Variants in SETBP1 observed in about 807,000 individuals in gnomAD.
SETBP1 encodes the protein SET-binding protein.
Under a neutral mutation model 101.0 loss-of-function variants are expected in SETBP1, and 9 were observed. That is an observed-to-expected ratio of 0.09 (90% confidence interval 0.05 to 0.16). The LOEUF (loss-of-function observed/expected upper bound fraction) is 0.16, where lower values mean the gene tolerates loss of function less well. Ranked by LOEUF, SETBP1 falls within the 10% of genes least tolerant of loss-of-function variation. The probability of loss-of-function intolerance (pLI) is 1.00; values close to 1 mark genes in which losing one functional copy is unlikely to be tolerated. For synonymous variants in SETBP1, 818 were observed against 788.5 expected (o/e 1.04, Z -0.63); for missense variants, 1,858 against 2,033.8 (o/e 0.91, Z 1.66).
chr18:44,794,433 G>A (rs1345604399), intron 2 of SETBP1, among the ~76,000 whole-genome samples: 1 of 152,194 alleles, frequency 6.6e-6, no homozygotes, highest in Non-Finnish European at 1.5e-5. Flanking sequence ...GTCGGAAAGA[G>A]CAGAGGGGAC....
chr18:44,828,617 GAGA>G (rs2072288992), intron 2 of SETBP1, among the ~76,000 whole-genome samples: 1 of 152,226 alleles, frequency 6.6e-6, no homozygotes, highest in African/African-American at 2.4e-5. Flanking sequence ...GAGACAAAAA[GAGA>G]AGAAGCTTCT....
Position 44,951,009 on chromosome 18 carries a change from G to A in SETBP1, c.1669G>A (p.Glu557Lys). ...GGCCACCTCTGATAAACTGATGCTG[G>A]AGCCCCCGTCTGCATATCCCATCAC... ...VMATSDKLML[E>K]PPSAYPITPS... The change falls in exon 4 of 6, where the codon GAG becomes AAG. Residue 557 changes from glutamate to lysine, a missense_variant. Physicochemically the swap from Glu to Lys is moderately conservative, Grantham distance 56. Transcript: ENST00000649279. The surrounding 1 kb of genome is among the most constrained non-coding windows in gnomAD (Gnocchi z 7.8). 1 of 1,613,964 alleles carries A rather than the reference G, an allele frequency of 6.2e-7. No individual in the cohort carries two copies. Among genetic ancestry groups the A allele is most frequent in the Non-Finnish European group, 8.5e-7 (1 of 1,180,030 alleles).
At chr18:44,685,786 C>T (rs1270357031) in intron 1 of SETBP1, among the ~76,000 whole-genome samples, 4 of 152,172 alleles carry the variant, frequency 2.6e-5, no homozygotes, top group African/African-American at 9.7e-5. Flanking sequence ...TTGGAATGAT[C>T]AGAAATGCCC....
intron 2 of SETBP1, among the ~76,000 whole-genome samples, chr18:44,811,916 T>C (rs1599160826): frequency 6.6e-6 from 1 of 152,334 alleles, no homozygotes; most frequent in Non-Finnish European, 1.5e-5. Flanking sequence ...TAAAGACCTG[T>C]GTGGCAGCTT....
chr18:44,700,691 G>A (rs1357174329), intron 1 of SETBP1, among the ~76,000 whole-genome samples: 1 of 152,180 alleles, frequency 6.6e-6, no homozygotes, highest in Non-Finnish European at 1.5e-5. Flanking sequence ...CCTCCAAGTG[G>A]GTGGAGAGCT....
chr18:44,803,656 T>A (rs557652875), intron 2 of SETBP1, among the ~76,000 whole-genome samples: 1 of 152,320 alleles, frequency 6.6e-6, no homozygotes, highest in Non-Finnish European at 1.5e-5. Flanking sequence ...TGGGCATCTT[T>A]AAACTACCAT....
intron 4 of SETBP1, among the ~76,000 whole-genome samples, chr18:45,023,243 T>C (rs547419073): frequency 6.6e-6 from 1 of 152,256 alleles, no homozygotes. Context: ...TTTTTAATGA[T>C]TGTGCTAGAA....
chr18:44,955,985 C>A (rs757407155), intron 4 of SETBP1, among the ~76,000 whole-genome samples: 3 of 152,190 alleles, frequency 2.0e-5, no homozygotes, highest in African/African-American at 7.2e-5. Context: ...ATGGACAGAG[C>A]TTCCACCTCT....
At chr18:44,858,207 T>C (rs2073013802) in intron 2 of SETBP1, among the ~76,000 whole-genome samples, 1 of 152,240 alleles carries the variant, frequency 6.6e-6, no homozygotes, top group African/African-American at 2.4e-5. Flanking sequence ...TTAGAAGCTG[T>C]GGCAGATTCT....
intron 2 of SETBP1, among the ~76,000 whole-genome samples, chr18:44,770,364 G>A (rs561353917): frequency 1.3e-3 from 205 of 152,310 alleles, no homozygotes; most frequent in Non-Finnish European, 2.3e-3. Context: ...GTGGGTTAAT[G>A]TCCTTACTTC....
At chr18:44,928,166 G>A (rs1366597331) in intron 3 of SETBP1, among the ~76,000 whole-genome samples, 4 of 152,200 alleles carry the variant, frequency 2.6e-5, no homozygotes, top group Non-Finnish European at 5.9e-5. Context: ...ACCTATGGGG[G>A]AGAACATGCG....
At chr18:44,849,538 G>A (rs555026133) in intron 2 of SETBP1, among the ~76,000 whole-genome samples, 3 of 152,284 alleles carry the variant, frequency 2.0e-5, no homozygotes, top group African/African-American at 7.2e-5. Flanking sequence ...GTGAGCAAGC[G>A]GTGAGGTGGG....
rs569190520 is a variant in SETBP1 at position 44,876,726 on chromosome 18, A to C, written c.540+7443A>C. The C allele has an allele frequency of 9.9e-5, 153 of 1,543,240 alleles. No individual in the cohort carries two copies. The highest frequency in any genetic ancestry group is 1.3e-4 in the Non-Finnish European group (150 of 1,141,994). Reference sequence around the variant, plus strand: ...CTCTCACTCTTCCTTTTCACAGTGAACCTGCAGTCTGGGCACAAGAAGTAT... The same window carrying C: ...CTCTCACTCTTCCTTTTCACAGTGACCCTGCAGTCTGGGCACAAGAAGTAT... On this transcript the variant is annotated intron_variant, in intron 3 of 5. Coordinates refer to ENST00000649279, the MANE Select transcript of SETBP1 (RefSeq NM_015559.3).
intron 3 of SETBP1, among the ~76,000 whole-genome samples, chr18:44,946,182 CA>C (rs1331581336): frequency 6.6e-6 from 1 of 152,200 alleles, no homozygotes; most frequent in African/African-American, 2.4e-5. Flanking sequence ...CCATTCCCCC[CA>C]TTACTCCTGA....
chr18:44,819,591 CCT>C (rs1470673602), intron 2 of SETBP1, among the ~76,000 whole-genome samples: 1 of 152,154 alleles, frequency 6.6e-6, no homozygotes, highest in East Asian at 1.9e-4. Flanking sequence ...AGGTCAGCAG[CCT>C]GCTCATGGTC....
intron 2 of SETBP1, among the ~76,000 whole-genome samples, chr18:44,858,030 C>T (rs1385057467): frequency 6.6e-6 from 1 of 152,126 alleles, no homozygotes; most frequent in South Asian, 2.1e-4. Context: ...GACACAGCTG[C>T]TTCCAGAAGC....
At chr18:44,868,520 C>A (rs1267586187) in intron 2 of SETBP1, among the ~76,000 whole-genome samples, 1 of 152,008 alleles carries the variant, frequency 6.6e-6, no homozygotes, top group Non-Finnish European at 1.5e-5. Context: ...CATGGAGAGA[C>A]CTCGTCTCTA....
chr18:44,875,207 T>C (rs1215932651), intron 3 of SETBP1, among the ~76,000 whole-genome samples: 1 of 152,074 alleles, frequency 6.6e-6, no homozygotes, highest in Non-Finnish European at 1.5e-5. Flanking sequence ...TGTCTACAAG[T>C]TCAGCATCAA....
intron 2 of SETBP1, among the ~76,000 whole-genome samples, chr18:44,859,579 A>G (rs963180096): frequency 3.9e-5 from 6 of 152,226 alleles, no homozygotes; most frequent in East Asian, 1.9e-4. Flanking sequence ...GTGTTCAACT[A>G]TAAACTGGAG....
Sources: allele counts gnomAD v4.1 joint callset (sites outside exome capture counted in the v4.1 genomes callset), GRCh38; gene constraint gnomAD v4.1.1; non-coding constraint Gnocchi (gnomAD v3.1); transcripts MANE v1.5; gene names NCBI Gene and HGNC (gene_info 2026-07-23, HGNC 2026-07-21).